ECE1: variants seen among roughly 807,000 people sequenced by gnomAD.
The protein encoded by ECE1 is endothelin converting enzyme 1.
Under a neutral mutation model 98.6 loss-of-function variants are expected in ECE1, and 35 were observed. The ratio of observed to expected loss-of-function variants is 0.35; its 90% CI spans 0.27 to 0.47. The LOEUF is 0.47. ECE1 is among the 20% of genes least tolerant of loss of function. The pLI is 1.00. For synonymous variants in ECE1, 394 were observed against 407.1 expected, an observed-to-expected ratio of 0.97 and a Z score of 0.39; for missense variants, 814 against 1,025.3, an observed-to-expected ratio of 0.79 and a Z score of 2.81.
chr1:21,329,146 C>T (rs1015861628), intron 1 of ECE1, among the ~76,000 whole-genome samples: 4 of 152,194 alleles, frequency 2.6e-5, no homozygotes, highest in African/African-American at 9.7e-5. Context: ...GGTCCACCAG[C>T]ATCAGAATCA....
chr1:21,306,627 C>T (rs1223297996), intron 1 of ECE1, among the ~76,000 whole-genome samples: 2 of 152,154 alleles, frequency 1.3e-5, no homozygotes, highest in Non-Finnish European at 2.9e-5. Flanking sequence ...GCCACTGCAC[C>T]CGGCCATATT....
chr1:21,279,332 C>T lies in ECE1; in HGVS notation c.139G>A (p.Val47Met). 1 of 1,614,178 alleles carries T rather than the reference C, an allele frequency of 6.2e-7. No individual in the cohort carries two copies. The highest frequency in any genetic ancestry group is 1.1e-5 in the South Asian group (1 of 91,086). Residue 47 changes from valine (V) to methionine (M), a missense_variant and splice_region_variant, in exon 3 of 19, where the codon GTG becomes ATG. Val to Met is a conservative substitution (Grantham distance 21). This residue lies in a region of ECE1 where 257 missense variants were observed against 278.9 expected (regional missense o/e 0.92). Transcript: ENST00000374893. Reference sequence around the variant, plus strand: ...CCACTCCGGGGGCTGTGGAAGTTCACCTGCAGGGAAGGAGGCAGGAGGGGC... The same window carrying T: ...CCACTCCGGGGGCTGTGGAAGTTCATCTGCAGGGAAGGAGGCAGGAGGGGC... ...EGDAYPNGLQVNFHSPRSGQR... is the reference protein window; with the variant it reads ...EGDAYPNGLQMNFHSPRSGQR...
intron 4 of ECE1, among the ~76,000 whole-genome samples, chr1:21,272,024 C>T (rs1030043039): frequency 3.9e-5 from 6 of 152,124 alleles, no homozygotes; most frequent in South Asian, 2.1e-4. Flanking sequence ...TCAAAAGCTA[C>T]GCCAAGCTTG....
Position 21,241,581 on chromosome 1 carries a change from C to T in ECE1, c.1279-3337G>A, listed in dbSNP as rs144991024. Among the ~76,000 whole-genome samples, 137 of 152,252 alleles carry T rather than the reference C, an allele frequency of 9.0e-4. No individual in the cohort carries two copies. The East Asian group carries it at 0.02, about 23-fold the overall frequency. On this transcript the variant is annotated intron_variant, in intron 10 of 18. Transcript: ENST00000374893. The stretch of plus-strand genomic sequence containing the variant: ...GGGATTACAGGTGTGTGTCACTACA[C>T]CTGGCTATTTTTTGTAGTTTTAGTA...
At chr1:21,281,189 C>T (rs1459034465) in intron 2 of ECE1, among the ~76,000 whole-genome samples, 4 of 146,588 alleles carry the variant, frequency 2.7e-5, no homozygotes, top group South Asian at 4.2e-4. Context: ...GACTCCGTCT[C>T]GGAAAACAAA....
chr1:21,228,808 A>G (rs549115769), intron 14 of ECE1, among the ~76,000 whole-genome samples: 1 of 150,928 alleles, frequency 6.6e-6, no homozygotes, highest in South Asian at 2.1e-4. Flanking sequence ...AAAAAAGAAA[A>G]GAAAAAGATT....
rs756819362 is a variant in ECE1 at position 21,220,953 on chromosome 1, C to T, written c.2136+794G>A. Among the ~76,000 whole-genome samples, 3 of 152,188 alleles carry T rather than the reference C, an allele frequency of 2.0e-5. No homozygotes were observed. The highest frequency in any genetic ancestry group is 6.5e-5 in the Admixed American group (1 of 15,270). Reference sequence around the variant, plus strand: ...CACCCCCCATGCCAGCAGCCTCTAACGCAGTTGTCTCCAAACTGTTCTCCT... The same window carrying T: ...CACCCCCCATGCCAGCAGCCTCTAATGCAGTTGTCTCCAAACTGTTCTCCT... On this transcript the variant is annotated intron_variant, in intron 18 of 18. Transcript: ENST00000374893. The surrounding 1 kb of genome is among the most constrained non-coding windows in gnomAD (Gnocchi z 5.0).
At chr1:21,285,506 G>A (rs1457404125) in intron 2 of ECE1, among the ~76,000 whole-genome samples, 2 of 151,996 alleles carry the variant, frequency 1.3e-5, no homozygotes, top group Admixed American at 6.6e-5. Context: ...AGTATTGAGC[G>A]GGCTTGTCCC....
intron 8 of ECE1, among the ~76,000 whole-genome samples, chr1:21,253,576 C>T (rs1003966976): frequency 6.7e-6 from 1 of 150,106 alleles, no homozygotes; most frequent in Admixed American, 6.6e-5. Context: ...TCCTGGCTAA[C>T]ACGGTGAAAC....
chr1:21,316,693 C>T (rs1638839448), intron 1 of ECE1, among the ~76,000 whole-genome samples: 1 of 152,140 alleles, frequency 6.6e-6, no homozygotes, highest in South Asian at 2.1e-4. Context: ...TGAGAAACAG[C>T]CTAAATGCCC....
chr1:21,269,876 C>T (rs542718804), intron 4 of ECE1, among the ~76,000 whole-genome samples: 1 of 152,316 alleles, frequency 6.6e-6, no homozygotes, highest in East Asian at 1.9e-4. Flanking sequence ...CTGGTATCAC[C>T]AGACCTTGGC....
At chr1:21,246,480 C>T (rs965144561) in intron 9 of ECE1, among the ~76,000 whole-genome samples, 13 of 120,806 alleles carry the variant, frequency 1.1e-4, no homozygotes, top group Non-Finnish European at 1.9e-4. Flanking sequence ...GCCTGGGTGA[C>T]AGAGTGAGAC....
chr1:21,307,108 C>T lies in ECE1; in HGVS notation c.4-16952G>A, dbSNP rs542640072. 6.6e-5 allele frequency among the ~76,000 whole-genome samples: 10 copies of T among 152,328 alleles called. No individual in the cohort carries two copies. The East Asian group carries it at 1.7e-3, about 26-fold the overall frequency. ...CGTCTCCCTGCACTCAAGACTCTCC[C>T]CTTCCTCTGGGTCCAGCATGGGTCT... On this transcript the variant is annotated intron_variant, in intron 1 of 18. Transcript: ENST00000415912. This position sits in a 1 kb window ranked among gnomAD's most constrained non-coding sequence, Gnocchi z 4.2.
At chr1:21,221,179 G>A (rs749892344) in intron 18 of ECE1, among the ~76,000 whole-genome samples, 2 of 152,142 alleles carry the variant, frequency 1.3e-5, no homozygotes, top group African/African-American at 4.8e-5. Flanking sequence ...GATCTGGGAT[G>A]ATCACAGCAA....
intron 8 of ECE1, among the ~76,000 whole-genome samples, chr1:21,248,097 G>T (rs765306695): frequency 8.5e-5 from 13 of 152,174 alleles, no homozygotes; most frequent in Non-Finnish European, 1.3e-4. Context: ...GATCGGGAAG[G>T]GTTGAACATT....
At chr1:21,239,929 G>A (rs1354943655) in intron 10 of ECE1, among the ~76,000 whole-genome samples, 2 of 152,112 alleles carry the variant, frequency 1.3e-5, no homozygotes, top group East Asian at 3.9e-4. Context: ...CCAGCACTTC[G>A]GGAGGCCGAG....
At chr1:21,251,066 T>C (rs1449407116) in intron 8 of ECE1, among the ~76,000 whole-genome samples, 1 of 151,824 alleles carries the variant, frequency 6.6e-6, no homozygotes, top group Non-Finnish European at 1.5e-5. Flanking sequence ...TGAGGTCACA[T>C]AGTTAACTAG....
intron 2 of ECE1, among the ~76,000 whole-genome samples, chr1:21,281,119 G>A (rs1169342337): frequency 6.6e-6 from 1 of 152,228 alleles, no homozygotes; most frequent in African/African-American, 2.4e-5. Flanking sequence ...GAACCCGGGA[G>A]GCGGAGGTTG....
At chr1:21,266,728 G>A (rs2098234376) in intron 4 of ECE1, 2 of 152,208 alleles carry the variant, frequency 1.3e-5, no homozygotes, top group South Asian at 4.1e-4. Flanking sequence ...CCATTCCACA[G>A]TGGCTGTTAT....
Sources: gnomAD v4.1 joint callset for allele counts (sites outside exome capture counted in the v4.1 genomes callset) on GRCh38, gnomAD v4.1.1 for gene constraint, gnomAD v4.1.1 regional missense constraint, Gnocchi (gnomAD v3.1) non-coding constraint, MANE v1.5 for transcripts, NCBI Gene and HGNC (gene_info 2026-07-23, HGNC 2026-07-21) for gene names.